The following FRMD4A variants were observed in gnomAD, a reference collection of about 807,000 sequenced individuals.
FRMD4A encodes FERM domain containing 4A.
Under a neutral mutation model 129.1 loss-of-function variants are expected in FRMD4A, and 29 were observed. That is an observed-to-expected ratio of 0.22 (90% CI 0.17 to 0.31). The LOEUF (loss-of-function observed/expected upper bound fraction) is 0.31, where lower values mean the gene tolerates loss of function less well. Ranked by LOEUF, FRMD4A falls within the 10% of genes least tolerant of loss-of-function variation. The pLI, the probability that FRMD4A is intolerant of heterozygous loss-of-function variation, is 1.00. For missense variants in FRMD4A, 1,272 were observed against 1,375.8 expected (o/e 0.92, Z 1.19); for synonymous variants, 634 against 571.6 (o/e 1.11, Z -1.56).
intron 16 of FRMD4A, among the ~76,000 whole-genome samples, chr10:13,674,050 G>A (rs1448469194): frequency 6.6e-6 from 1 of 152,088 alleles, no homozygotes; most frequent in Admixed American, 6.6e-5. Context: ...TTACAGGCAT[G>A]AGCAGCTGTG....
chr10:13,749,510 G>A (rs1025152615), intron 8 of FRMD4A, among the ~76,000 whole-genome samples: 2 of 152,158 alleles, frequency 1.3e-5, no homozygotes, highest in Admixed American at 6.5e-5. Flanking sequence ...ATTGTTCCCT[G>A]TGTCCCCGGC....
intron 2 of FRMD4A, among the ~76,000 whole-genome samples, chr10:14,272,064 G>T (rs1845179593): frequency 6.6e-6 from 1 of 152,040 alleles, no homozygotes; most frequent in Non-Finnish European, 1.5e-5. Context: ...TATTGATCAG[G>T]TTAGGATAGG....
chr10:14,030,943 A>G (rs1295572033), intron 2 of FRMD4A, among the ~76,000 whole-genome samples: 1 of 152,130 alleles, frequency 6.6e-6, no homozygotes, highest in Non-Finnish European at 1.5e-5. Flanking sequence ...CTGACCAGTC[A>G]CAAGGATGAA....
intron 15 of FRMD4A, among the ~76,000 whole-genome samples, chr10:13,687,475 C>A (rs903425398): frequency 6.6e-6 from 1 of 152,116 alleles, no homozygotes; most frequent in African/African-American, 2.4e-5. Context: ...CTTTTTTCTC[C>A]CCTCCAACAT....
intron 2 of FRMD4A, among the ~76,000 whole-genome samples, chr10:14,115,705 C>T (rs780989887): frequency 8.5e-5 from 13 of 152,142 alleles, no homozygotes; most frequent in Admixed American, 2.0e-4. Context: ...CCTCCCTCCC[C>T]GCTCTCTCTT....
intron 2 of FRMD4A, among the ~76,000 whole-genome samples, chr10:14,185,568 T>TTCA (rs1425196548): frequency 6.6e-6 from 1 of 152,110 alleles, no homozygotes; most frequent in Non-Finnish European, 1.5e-5. Context: ...TATTTAAAGG[T>TTCA]TCAATCTCGT....
At chr10:14,251,227 G>A (rs1390781441) in intron 2 of FRMD4A, among the ~76,000 whole-genome samples, 2 of 152,190 alleles carry the variant, frequency 1.3e-5, no homozygotes, top group African/African-American at 4.8e-5. Context: ...TACAGCAGAA[G>A]TCAAGGAGTG....
intron 2 of FRMD4A, among the ~76,000 whole-genome samples, chr10:14,274,481 A>T (rs1194946408): frequency 6.6e-6 from 1 of 152,092 alleles, no homozygotes; most frequent in Non-Finnish European, 1.5e-5. Context: ...GGAAAGGAAA[A>T]GCTCATAGGA....
chr10:14,130,045 G>T (rs374326779), intron 2 of FRMD4A, among the ~76,000 whole-genome samples: 1 of 151,992 alleles, frequency 6.6e-6, no homozygotes, highest in Non-Finnish European at 1.5e-5. Context: ...TCTGGCTGCC[G>T]CAGCGCTTGC....
intron 2 of FRMD4A, among the ~76,000 whole-genome samples, chr10:14,013,696 C>G (rs1407121005): frequency 6.6e-6 from 1 of 152,140 alleles, no homozygotes; most frequent in Non-Finnish European, 1.5e-5. Context: ...CTTTGGGAGG[C>G]TGAGGCAGGT....
chr10:14,328,257 G>A (rs1466135166), intron 2 of FRMD4A, among the ~76,000 whole-genome samples: 8 of 151,676 alleles, frequency 5.3e-5, no homozygotes, highest in African/African-American at 9.7e-5. Context: ...CAGATCTAAG[G>A]GCAGAGGCCA....
intron 12 of FRMD4A, among the ~76,000 whole-genome samples, chr10:13,711,187 G>A (rs1017435798): frequency 6.6e-6 from 1 of 152,222 alleles, no homozygotes; most frequent in Non-Finnish European, 1.5e-5. Context: ...GCCCAGGGCC[G>A]GGGTGCAGCT....
At chr10:14,111,500 T>C (rs1318222063) in intron 2 of FRMD4A, among the ~76,000 whole-genome samples, 1 of 152,156 alleles carries the variant, frequency 6.6e-6, no homozygotes, top group African/African-American at 2.4e-5. Context: ...CACAGTCCTC[T>C]ACCCTGCAGG....
intron 15 of FRMD4A, among the ~76,000 whole-genome samples, chr10:13,680,549 A>T (rs2084469400): frequency 6.6e-6 from 1 of 151,232 alleles, no homozygotes; most frequent in Non-Finnish European, 1.5e-5. Context: ...ACATGGCGAA[A>T]CCCTGTCTTC....
At chr10:13,766,933 C>T (rs530249519) in intron 6 of FRMD4A, among the ~76,000 whole-genome samples, 339 of 152,174 alleles carry the variant, frequency 2.2e-3, no homozygotes, top group Admixed American at 5.4e-3. Context: ...ATTAGTTGGG[C>T]GTGGTGGTGC....
intron 2 of FRMD4A, among the ~76,000 whole-genome samples, chr10:13,860,807 C>G (rs778396158): frequency 1.1e-4 from 17 of 152,078 alleles, no homozygotes; most frequent in Non-Finnish European, 1.8e-4. Flanking sequence ...TAGACAGAGT[C>G]TTGCTCTGTT....
At chr10:14,280,086 C>G (rs745537895) in intron 2 of FRMD4A, among the ~76,000 whole-genome samples, 1 of 152,108 alleles carries the variant, frequency 6.6e-6, no homozygotes, top group African/African-American at 2.4e-5. Flanking sequence ...CTTTACCTAC[C>G]TTGAGTGGAA....
At chr10:13,986,410 C>T (rs1217048166) in intron 2 of FRMD4A, among the ~76,000 whole-genome samples, 3 of 147,284 alleles carry the variant, frequency 2.0e-5, no homozygotes, top group Admixed American at 7.0e-5. Flanking sequence ...AAAAACCAAA[C>T]GCTAAATGTT....
At chr10:13,933,269 C>T (rs753273046) in intron 2 of FRMD4A, among the ~76,000 whole-genome samples, 13 of 143,410 alleles carry the variant, frequency 9.1e-5, no homozygotes, top group Non-Finnish European at 1.3e-4. Context: ...GGGTGTACAC[C>T]GAGTAAATGA....
Sources: gnomAD v4.1 joint callset for allele counts (sites outside exome capture counted in the v4.1 genomes callset) on GRCh38, gnomAD v4.1.1 for gene constraint, MANE v1.5 for transcripts, NCBI Gene and HGNC (gene_info 2026-07-23, HGNC 2026-07-21) for gene names.